Variants in CHCHD6 observed in about 807,000 individuals in gnomAD.
CHCHD6 encodes the protein MICOS complex subunit MIC25.
In CHCHD6, 28 loss-of-function variants were observed where a neutral mutation model predicts 32.3. The ratio of observed to expected loss-of-function variants is 0.87; its 90% CI spans 0.64 to 1.19. The LOEUF (loss-of-function observed/expected upper bound fraction) is 1.19, where lower values mean the gene tolerates loss of function less well. Among genes scored for constraint, CHCHD6 ranks in the 50% most tolerant of loss-of-function variants. The probability of loss-of-function intolerance (pLI) is 0.00; values close to 1 mark genes in which losing one functional copy is unlikely to be tolerated. For synonymous variants in CHCHD6, 122 were observed against 117.5 expected (o/e 1.04, Z -0.25); for missense variants, 333 against 307.0 (o/e 1.08, Z -0.63).
intron 4 of CHCHD6, among the ~76,000 whole-genome samples, chr3:126,798,850 A>G (rs1031495394): frequency 2.0e-5 from 3 of 152,194 alleles, no homozygotes; most frequent in African/African-American, 7.2e-5. Context: ...TCCAGGCTAA[A>G]AAGATTTGTA....
chr3:126,886,351 T>G (rs1033490862), intron 5 of CHCHD6, among the ~76,000 whole-genome samples: 1 of 152,228 alleles, frequency 6.6e-6, no homozygotes, highest in African/African-American at 2.4e-5. Context: ...TATGCTGTTC[T>G]TAGGAGTGTG....
At chr3:126,721,502 T>G (rs1378226060) in intron 1 of CHCHD6, among the ~76,000 whole-genome samples, 1 of 152,210 alleles carries the variant, frequency 6.6e-6, no homozygotes, top group Non-Finnish European at 1.5e-5. Flanking sequence ...TCCCTCCTTG[T>G]GCTGTTCTCA....
At chr3:126,946,559 G>A (rs1046948911) in intron 6 of CHCHD6, among the ~76,000 whole-genome samples, 1 of 152,182 alleles carries the variant, frequency 6.6e-6, no homozygotes, top group Non-Finnish European at 1.5e-5. Context: ...GAGGGATGGG[G>A]CAGCTGGAGC....
chr3:126,758,926 G>A (rs1413186642), intron 4 of CHCHD6, among the ~76,000 whole-genome samples: 1 of 152,184 alleles, frequency 6.6e-6, no homozygotes, highest in Admixed American at 6.5e-5. Flanking sequence ...TAAATGGTCA[G>A]TACCCTTCCT....
intron 4 of CHCHD6, among the ~76,000 whole-genome samples, chr3:126,799,922 T>C (rs772064342): frequency 5.9e-5 from 9 of 152,224 alleles, no homozygotes; most frequent in Non-Finnish European, 1.2e-4. Context: ...TGGATATTTT[T>C]CATGTCTGTA....
chr3:126,862,207 A>T (rs558542042), intron 5 of CHCHD6, among the ~76,000 whole-genome samples: 20 of 62,066 alleles, frequency 3.2e-4, no homozygotes, highest in African/African-American at 1.2e-3. Context: ...CGCCTCCTCC[A>T]CCATCATCAC....
intron 4 of CHCHD6, among the ~76,000 whole-genome samples, chr3:126,830,784 C>CT (rs1372035034): frequency 6.6e-6 from 1 of 152,208 alleles, no homozygotes; most frequent in African/African-American, 2.4e-5. Flanking sequence ...TGGTGAAACT[C>CT]TGAGTGTCCC....
intron 6 of CHCHD6, among the ~76,000 whole-genome samples, chr3:126,926,131 G>C (rs732462): frequency 0.65 from 98,200 of 152,076 alleles, 32,592 homozygotes; most frequent in East Asian, 0.82. Context: ...CTGAAAGGCT[G>C]TCTAAAATCC....
intron 6 of CHCHD6, among the ~76,000 whole-genome samples, chr3:126,927,581 TC>T (rs2078343286): frequency 6.6e-6 from 1 of 152,104 alleles, no homozygotes; most frequent in African/African-American, 2.4e-5. Context: ...ATTAATCCCC[TC>T]CCCTCGACTG....
At chr3:126,898,155 G>C (rs1287978704) in intron 5 of CHCHD6, among the ~76,000 whole-genome samples, 1 of 152,260 alleles carries the variant, frequency 6.6e-6, no homozygotes, top group Non-Finnish European at 1.5e-5. Context: ...GCATCCTGCC[G>C]CCAGCCCGGC....
chr3:126,819,203 C>T (rs539708219), intron 4 of CHCHD6, among the ~76,000 whole-genome samples: 1 of 152,150 alleles, frequency 6.6e-6, no homozygotes, highest in African/African-American at 2.4e-5. Flanking sequence ...TGGTAACAAA[C>T]TATGCTGAGA....
intron 4 of CHCHD6, among the ~76,000 whole-genome samples, chr3:126,807,019 A>T (rs1939420209): frequency 8.1e-6 from 1 of 123,592 alleles, no homozygotes; most frequent in Admixed American, 1.1e-4. Context: ...GGACACAGGA[A>T]GGGGAACATC....
At chr3:126,888,561 A>T (rs1280978831) in intron 5 of CHCHD6, among the ~76,000 whole-genome samples, 1 of 152,136 alleles carries the variant, frequency 6.6e-6, no homozygotes, top group Non-Finnish European at 1.5e-5. Flanking sequence ...CTGCCTGCTG[A>T]GATGGAGGAG....
rs536278314 is a variant in CHCHD6 at position 126,860,006 on chromosome 3, C to T, written c.495+7276C>T. Among the ~76,000 whole-genome samples, 9 of 152,186 alleles carry T rather than the reference C, an allele frequency of 5.9e-5. No individual in the cohort carries two copies. The East Asian group carries it at 1.2e-3, about 20-fold the overall frequency. On this transcript the variant is annotated intron_variant, in intron 5 of 7. Coordinates refer to ENST00000290913, the MANE Select transcript of CHCHD6 (RefSeq NM_032343.3). ...TGGAGAAGGAGGAGGTCTCCAGACA[C>T]GTGCTCAGTGAGGGGTGTGTCTCGT... is the stretch of plus-strand genomic sequence containing the variant.
intron 1 of CHCHD6, among the ~76,000 whole-genome samples, chr3:126,712,327 A>C (rs1260301320): frequency 6.6e-6 from 1 of 152,258 alleles, no homozygotes. Flanking sequence ...TAAGTAGTAC[A>C]AGAGTTAAAA....
At chr3:126,897,031 A>T (rs2077850461) in intron 5 of CHCHD6, among the ~76,000 whole-genome samples, 1 of 152,196 alleles carries the variant, frequency 6.6e-6, no homozygotes. Flanking sequence ...AGACTCTCCA[A>T]CATGGATGAG....
rs191540986 is a variant in CHCHD6 at position 126,801,835 on chromosome 3, T to G, written c.412-50812T>G. Among the ~76,000 whole-genome samples, 928 of 152,182 alleles carry G rather than the reference T, an allele frequency of 6.1e-3. 9 individuals carry two copies. Among genetic ancestry groups the G allele is most frequent in the African/African-American group, 0.021 (887 of 41,510 alleles). Reference sequence around the variant, plus strand: ...CCCCCAGTAGGGGCAGACTGACACCTCACACAGCCGGGTACTCCTCTGAGA... The same window carrying G: ...CCCCCAGTAGGGGCAGACTGACACCGCACACAGCCGGGTACTCCTCTGAGA... On this transcript the variant is annotated intron_variant, in intron 4 of 7. Coordinates refer to ENST00000290913, the MANE Select transcript of CHCHD6 (RefSeq NM_032343.3).
At chr3:126,876,788 T>C (rs963172607) in intron 5 of CHCHD6, among the ~76,000 whole-genome samples, 24 of 152,300 alleles carry the variant, frequency 1.6e-4, no homozygotes, top group African/African-American at 5.8e-4. Context: ...TTTCCTCTTT[T>C]AGAGCAGTTT....
At chr3:126,935,791 A>G (rs549318437) in intron 6 of CHCHD6, among the ~76,000 whole-genome samples, 277 of 152,410 alleles carry the variant, frequency 1.8e-3, no homozygotes, top group African/African-American at 6.3e-3. Flanking sequence ...TAAGAATTAA[A>G]AACTACAAAA....
Sources: allele counts gnomAD v4.1 joint callset (sites outside exome capture counted in the v4.1 genomes callset), GRCh38; gene constraint gnomAD v4.1.1; transcripts MANE v1.5; gene names NCBI Gene and HGNC (gene_info 2026-07-23, HGNC 2026-07-21).